The following LEMD1 variants were observed in gnomAD, a reference collection of about 807,000 sequenced individuals.
LEMD1 encodes the protein LEM domain containing 1, also known as LEM domain-containing protein 1.
Under a neutral mutation model 17.4 loss-of-function variants are expected in LEMD1, and 18 were observed. That is an observed-to-expected ratio of 1.04 (90% CI 0.72 to 1.54). The LOEUF is 1.54. Among genes scored for constraint, LEMD1 ranks in the 40% most tolerant of loss-of-function variants. LEMD1 has a pLI of 0.00. For synonymous variants in LEMD1, 88 were observed against 77.8 expected, an observed-to-expected ratio of 1.13 and a Z score of -0.69; for missense variants, 195 against 210.4, an observed-to-expected ratio of 0.93 and a Z score of 0.45.
chr1:205,420,599 C>A (rs1665918196), intron 1 of LEMD1, 25 bp from the exon 2 acceptor site: 12 of 1,230,524 alleles, frequency 9.8e-6, no homozygotes, highest in Non-Finnish European at 1.4e-5. Context: ...ACATTAAATT[C>A]ATTAAGACAG....
At chr1:205,447,483 A>T (rs1483002818) in intron 1 of LEMD1, among the ~76,000 whole-genome samples, 1 of 152,152 alleles carries the variant, frequency 6.6e-6, no homozygotes, top group Non-Finnish European at 1.5e-5. Context: ...AACAGGGAGT[A>T]GGAGGCGGGG....
At position 205,448,152 on chromosome 1, in the gene LEMD1, G is replaced by T. The variant is rs960364584; in HGVS notation, c.-39+1716C>A. 8.4e-6 allele frequency: 3 copies of T among 358,490 alleles called. No individual in the cohort carries two copies. In the East Asian group the frequency reaches 2.0e-4, roughly 24 times the overall value. 22.2% of individuals were successfully genotyped at this position (358,490 alleles called of 1,614,324 possible). A position where few individuals can be genotyped will look rare whatever the true frequency, so the allele number is the denominator to read the frequency against. Reference sequence around the variant, plus strand: ...AGAGTGAGGAAACAGGGCCAGAAGGGAAGTGACTGGGCCAAGGTCACACGG... The same window carrying T: ...AGAGTGAGGAAACAGGGCCAGAAGGTAAGTGACTGGGCCAAGGTCACACGG... On this transcript the variant is annotated intron_variant, in intron 1 of 3. Coordinates refer to the LEMD1 transcript ENST00000367154. This position sits in a 1 kb window ranked among gnomAD's most constrained non-coding sequence, Gnocchi z 4.7.
intron 4 of LEMD1, among the ~76,000 whole-genome samples, chr1:205,393,082 G>A (rs529631072): frequency 3.9e-4 from 60 of 151,990 alleles, no homozygotes; most frequent in Middle Eastern, 3.4e-3. Flanking sequence ...ACAATGTATA[G>A]ACTGGAAAAA....
chr1:205,439,255 G>T (rs541163538), intron 1 of LEMD1, among the ~76,000 whole-genome samples: 1 of 152,326 alleles, frequency 6.6e-6, no homozygotes, highest in East Asian at 1.9e-4. Context: ...GAATCTTGCT[G>T]TTCCCTTGAG....
chr1:205,398,230 C>A (rs1375848951), intron 4 of LEMD1, among the ~76,000 whole-genome samples: 1 of 152,188 alleles, frequency 6.6e-6, no homozygotes, highest in East Asian at 1.9e-4. Flanking sequence ...GAATATACAA[C>A]TACTACTGGG....
chr1:205,437,500 G>A (rs1666229284), intron 1 of LEMD1: 1 of 152,262 alleles, frequency 6.6e-6, no homozygotes, highest in South Asian at 2.1e-4. Context: ...CCTGGCTAGG[G>A]GAAGATTCTA....
chr1:205,387,751 G>A (rs565764229), intron 4 of LEMD1, among the ~76,000 whole-genome samples: 9 of 152,248 alleles, frequency 5.9e-5, no homozygotes, highest in East Asian at 1.9e-4. Context: ...ATTCAAGTCC[G>A]AAAATTCCAC....
chr1:205,439,115 T>C (rs1666253187), intron 1 of LEMD1, among the ~76,000 whole-genome samples: 1 of 152,174 alleles, frequency 6.6e-6, no homozygotes, highest in Non-Finnish European at 1.5e-5. Context: ...CAGGAGGCTC[T>C]CTGGCCTCTG....
chr1:205,397,966 T>C (rs1051924081), intron 4 of LEMD1, among the ~76,000 whole-genome samples: 1 of 152,236 alleles, frequency 6.6e-6, no homozygotes, highest in South Asian at 2.1e-4. Flanking sequence ...GGTTCCACTA[T>C]TTCCTCCTGC....
At chr1:205,412,826 G>A (rs1665513390) in intron 4 of LEMD1, among the ~76,000 whole-genome samples, 1 of 152,142 alleles carries the variant, frequency 6.6e-6, no homozygotes, top group African/African-American at 2.4e-5. Context: ...TTTTATTTCA[G>A]GTTTATGTAA....
At chr1:205,447,489 C>T (rs895872419) in intron 1 of LEMD1, among the ~76,000 whole-genome samples, 2 of 152,000 alleles carry the variant, frequency 1.3e-5, no homozygotes, top group Non-Finnish European at 2.9e-5. Context: ...GAGTAGGAGG[C>T]GGGGTACGAG....
chr1:205,407,802 C>T (rs1372423697), intron 4 of LEMD1, among the ~76,000 whole-genome samples: 1 of 152,152 alleles, frequency 6.6e-6, no homozygotes, highest in Non-Finnish European at 1.5e-5. Flanking sequence ...GCCCCTTAAC[C>T]TGTGGGATCT....
chr1:205,429,604 G>C (rs951698889), intron 1 of LEMD1, among the ~76,000 whole-genome samples: 2 of 152,162 alleles, frequency 1.3e-5, no homozygotes, highest in Non-Finnish European at 2.9e-5. Flanking sequence ...TGTGGAGATA[G>C]CCGGGGTTGG....
At chr1:205,382,855 A>G (rs1053015428) in intron 5 of LEMD1, among the ~76,000 whole-genome samples, 15 of 152,194 alleles carry the variant, frequency 9.9e-5, no homozygotes, top group Non-Finnish European at 4.4e-5. Flanking sequence ...GCACTTAAAA[A>G]GGCAAGAGTA....
chr1:205,436,836 A>C (rs3738744), intron 1 of LEMD1: 1 of 152,084 alleles, frequency 6.6e-6, no homozygotes, highest in Non-Finnish European at 1.5e-5. Context: ...CCACCTTTGC[A>C]GTTGTGAACC....
At chr1:205,387,774 GC>G (rs1396355735) in intron 4 of LEMD1, among the ~76,000 whole-genome samples, 2 of 152,240 alleles carry the variant, frequency 1.3e-5, no homozygotes, top group South Asian at 2.1e-4. Flanking sequence ...CACTCCCAAG[GC>G]CTGAAGCATA....
chr1:205,428,529 A>G (rs966318400), intron 1 of LEMD1, among the ~76,000 whole-genome samples: 1 of 152,226 alleles, frequency 6.6e-6, no homozygotes, highest in Non-Finnish European at 1.5e-5. Flanking sequence ...CCTAGGAGGG[A>G]AAAGCAGACA....
chr1:205,397,082 G>A (rs905393956), intron 4 of LEMD1, among the ~76,000 whole-genome samples: 2 of 152,092 alleles, frequency 1.3e-5, no homozygotes, highest in Non-Finnish European at 2.9e-5. Flanking sequence ...TGATTGGAAG[G>A]TTCACCAAGA....
At chr1:205,418,094 GC>G (rs1316441590) in intron 3 of LEMD1, among the ~76,000 whole-genome samples, 1 of 152,060 alleles carries the variant, frequency 6.6e-6, no homozygotes, top group Non-Finnish European at 1.5e-5. Context: ...ATCTTCTGGG[GC>G]TGCTTCCGAG....
Sources: gnomAD v4.1 joint callset for allele counts (sites outside exome capture counted in the v4.1 genomes callset) on GRCh38, gnomAD v4.1.1 for gene constraint, Gnocchi (gnomAD v3.1) non-coding constraint, MANE v1.5 for transcripts, NCBI Gene and HGNC (gene_info 2026-07-23, HGNC 2026-07-21) for gene names.